ELAVL4: variants seen among roughly 807,000 people sequenced by gnomAD.
ELAVL4 encodes the protein ELAV like RNA binding protein 4.
In ELAVL4, 1 loss-of-function variant was observed where a neutral mutation model predicts 35.6. The ratio of observed to expected loss-of-function variants is 0.03; its 90% CI spans 0.01 to 0.13. The LOEUF (loss-of-function observed/expected upper bound fraction) is 0.13. Among genes scored for constraint, ELAVL4 ranks in the 10% least tolerant of loss-of-function variants. The pLI, the probability that ELAVL4 is intolerant of heterozygous loss-of-function variation, is 1.00. For missense variants in ELAVL4, 267 were observed against 464.9 expected (o/e 0.57, Z 3.91); for synonymous variants, 156 against 171.0 (o/e 0.91, Z 0.69).
chr1:50,073,934 T>C (rs755474261), intron 1 of ELAVL4, among the ~76,000 whole-genome samples: 1 of 152,244 alleles, frequency 6.6e-6, no homozygotes, highest in Non-Finnish European at 1.5e-5. Flanking sequence ...ACATCTTCAT[T>C]GGATCTTGTG....
intron 1 of ELAVL4, among the ~76,000 whole-genome samples, chr1:50,141,157 CCTGA>C (rs1276947280): frequency 8.5e-5 from 13 of 152,148 alleles, no homozygotes; most frequent in Admixed American, 2.0e-4. Context: ...GAAAGATGAA[CCTGA>C]CTATCAGGTG....
intron 1 of ELAVL4, chr1:50,109,891 C>A (rs766140850): frequency 6.2e-7 from 1 of 1,610,590 alleles, no homozygotes; most frequent in South Asian, 1.1e-5. Context: ...CATAACGTTC[C>A]TTTCCGCTTT....
chr1:50,195,542 G>A lies in ELAVL4; in HGVS notation c.509-19G>A, dbSNP rs201654470. ...TTTGGTGTGTTCACTCTTTACAAAGGCTCTTTCTCTTTCCCCAGGAGTGTC... is the reference window on the plus strand; with the variant it reads ...TTTGGTGTGTTCACTCTTTACAAAGACTCTTTCTCTTTCCCCAGGAGTGTC... On this transcript the variant is annotated intron_variant, in intron 4 of 6. Transcript: ENST00000371824. The A allele has an allele frequency of 1.2e-6, 2 of 1,612,752 alleles. No homozygotes were observed. Among genetic ancestry groups the A allele is most frequent in the Middle Eastern group, 1.6e-4 (1 of 6,070 alleles).
At chr1:50,071,419 T>G (rs556067300) in intron 1 of ELAVL4, among the ~76,000 whole-genome samples, 1 of 152,310 alleles carries the variant, frequency 6.6e-6, no homozygotes, top group Admixed American at 6.5e-5. Flanking sequence ...CTTTTTTTCT[T>G]GAGTCGTGCA....
intron 1 of ELAVL4, among the ~76,000 whole-genome samples, chr1:50,130,006 T>C (rs769966294): frequency 1.4e-4 from 22 of 152,294 alleles, no homozygotes; most frequent in East Asian, 7.7e-4. Context: ...GCAGAGAGTC[T>C]GAACTGGCTA....
intron 1 of ELAVL4, among the ~76,000 whole-genome samples, chr1:50,090,013 T>C (rs1665420195): frequency 6.6e-6 from 1 of 152,022 alleles, no homozygotes; most frequent in South Asian, 2.1e-4. Flanking sequence ...ACATGTAAAG[T>C]ATAGGAATTC....
At chr1:50,092,773 A>T (rs886900975) in intron 1 of ELAVL4, among the ~76,000 whole-genome samples, 2 of 152,146 alleles carry the variant, frequency 1.3e-5, no homozygotes, top group African/African-American at 4.8e-5. Flanking sequence ...GAGAGGAAAA[A>T]TATATGGACT....
chr1:50,118,485 C>A (rs192126594), intron 1 of ELAVL4, among the ~76,000 whole-genome samples: 1 of 113,784 alleles, frequency 8.8e-6, no homozygotes, highest in Non-Finnish European at 1.7e-5. Flanking sequence ...ATTACCCTCC[C>A]ATTTGAAGGA....
At chr1:50,133,955 T>C (rs930788073) in intron 1 of ELAVL4, among the ~76,000 whole-genome samples, 2 of 152,196 alleles carry the variant, frequency 1.3e-5, no homozygotes, top group African/African-American at 4.8e-5. Context: ...ACAATTTCTC[T>C]TAAAAAGAAC....
At chr1:50,095,710 A>G (rs914033994) in intron 1 of ELAVL4, among the ~76,000 whole-genome samples, 5 of 152,168 alleles carry the variant, frequency 3.3e-5, no homozygotes, top group Admixed American at 2.0e-4. Context: ...CCTCTTTTCC[A>G]TAGCTTTCAC....
At chr1:50,121,223 C>A (rs1361569515) in intron 1 of ELAVL4, among the ~76,000 whole-genome samples, 1 of 151,988 alleles carries the variant, frequency 6.6e-6, no homozygotes, top group Admixed American at 6.6e-5. Flanking sequence ...ACTAACATAA[C>A]CTTTCTGACC....
At chr1:50,198,175 G>A (rs1014296775) in intron 6 of ELAVL4, among the ~76,000 whole-genome samples, 3 of 152,142 alleles carry the variant, frequency 2.0e-5, no homozygotes, top group African/African-American at 7.2e-5. Context: ...TTGTGGGGTT[G>A]GGGGCCCAGA....
At chr1:50,182,746 T>G (rs970738832) in intron 3 of ELAVL4, among the ~76,000 whole-genome samples, 9 of 152,214 alleles carry the variant, frequency 5.9e-5, no homozygotes, top group African/African-American at 1.7e-4. Context: ...TATCCACTCA[T>G]TTTTAAAGCA....
At chr1:50,125,850 A>T (rs1452449051) in intron 1 of ELAVL4, among the ~76,000 whole-genome samples, 1 of 151,960 alleles carries the variant, frequency 6.6e-6, no homozygotes, top group African/African-American at 2.4e-5. Flanking sequence ...GCATCTTAGG[A>T]GTCTGCAAAA....
chr1:50,107,268 A>G (rs1666412426), upstream of ELAVL4, among the ~76,000 whole-genome samples: 1 of 152,242 alleles, frequency 6.6e-6, no homozygotes, highest in Admixed American at 6.5e-5. Context: ...TTAAAAGTTT[A>G]CTTAACTGAG....
At chr1:50,147,859 T>C (rs1674008136) in intron 2 of ELAVL4, among the ~76,000 whole-genome samples, 1 of 152,148 alleles carries the variant, frequency 6.6e-6, no homozygotes, top group Non-Finnish European at 1.5e-5. Flanking sequence ...TAAGAGAATG[T>C]AATGGATTCC....
At chr1:50,116,843 C>T (rs1466274637) in intron 1 of ELAVL4, among the ~76,000 whole-genome samples, 1 of 152,130 alleles carries the variant, frequency 6.6e-6, no homozygotes, top group African/African-American at 2.4e-5. Flanking sequence ...GCCAACCACA[C>T]ATCCAAAATT....
chr1:50,179,956 T>C (rs947160111), intron 3 of ELAVL4: 1 of 152,200 alleles, frequency 6.6e-6, no homozygotes, highest in African/African-American at 2.4e-5. Flanking sequence ...CCCAGATTGT[T>C]GCCAGATCTA....
chr1:50,119,034 GAAAAAGAAAGAAAGAAAGAAAGA>G (rs1215811795), intron 1 of ELAVL4, among the ~76,000 whole-genome samples: 16 of 87,650 alleles, frequency 1.8e-4, no homozygotes, highest in African/African-American at 7.5e-4. Flanking sequence ...AAGAAAGAAA[GAAAAAGAAAGAAAGAAAGAAAGA>G]AAGAAAGAAA....
Sources: gnomAD v4.1 joint callset for allele counts (sites outside exome capture counted in the v4.1 genomes callset) on GRCh38, gnomAD v4.1.1 for gene constraint, MANE v1.5 for transcripts, NCBI Gene and HGNC (gene_info 2026-07-23, HGNC 2026-07-21) for gene names.